The following SIN3A variants were observed in gnomAD, a reference collection of about 807,000 sequenced individuals.
SIN3A encodes the protein SIN3 transcription regulator family member A.
SIN3A carries 14 observed loss-of-function variants against 146.1 expected under a neutral mutation model. The observed-to-expected ratio is 0.10, with a 90% CI of 0.06 to 0.15. The LOEUF (loss-of-function observed/expected upper bound fraction) is 0.15, where lower values mean the gene tolerates loss of function less well. Ranked by LOEUF, SIN3A falls within the 10% of genes least tolerant of loss-of-function variation. The pLI, the probability that SIN3A is intolerant of heterozygous loss-of-function variation, is 1.00. For synonymous variants in SIN3A, 572 were observed against 572.0 expected, an observed-to-expected ratio of 1.00 and a Z score of 0.00; for missense variants, 1,028 against 1,576.0, an observed-to-expected ratio of 0.65 and a Z score of 5.89.
At chr15:75,434,600 A>C (rs1264654522) in intron 1 of SIN3A, among the ~76,000 whole-genome samples, 5 of 151,902 alleles carry the variant, frequency 3.3e-5, no homozygotes, top group Middle Eastern at 3.4e-3. Flanking sequence ...CAGTGAGCCG[A>C]AATCGCGCCA....
chr15:75,454,772 G>A (rs897983958), upstream of SIN3A: 5 of 152,390 alleles, frequency 3.3e-5, no homozygotes, highest in Admixed American at 2.6e-4. Context: ...GTCGGGGGAG[G>A]GGAAGAGAGC....
rs1227852200 is a variant in SIN3A at position 75,380,722 on chromosome 15, C to G, written c.3290G>C (p.Arg1097Pro). Residue 1097 changes from arginine (R) to proline (P), a missense_variant and splice_region_variant, in exon 19 of 21, where the codon CGC becomes CCC. Around this residue, in one of 9 missense-constraint regions of SIN3A, gnomAD observed 488 missense variants for 690.2 expected, o/e 0.71. Transcript: ENST00000394947. ...ENSDDPVEAE[R>P]WSDYVERYMN... ...GTATCGCTCCACGTAGTCTGACCAG[C>G]GCTAAGATGGCAAACACAAAATACA... 1 of 1,612,700 alleles carries G rather than the reference C, an allele frequency of 6.2e-7. No homozygotes were observed. The highest frequency in any genetic ancestry group is 8.5e-7 in the Non-Finnish European group (1 of 1,178,938).
Position 75,430,345 on chromosome 15 carries a change from G to C in SIN3A, c.31C>G (p.Pro11Ala). The change falls in exon 2 of 21, where the codon CCG becomes GCG. Residue 11 changes from proline to alanine, a missense_variant. Around this residue, in one of 9 missense-constraint regions of SIN3A, gnomAD observed 152 missense variants for 231.5 expected, o/e 0.66. Coordinates refer to ENST00000394947, the MANE Select transcript of SIN3A (RefSeq NM_001145358.2). MKRRLDDQES[P>A]VYAAQQRRIP... ...CGACGCTGCTGGGCTGCATACACCG[G>C]TGACTCCTGGTCATCCAAACGCCGC... 6.2e-7 allele frequency: 1 copy of C among 1,613,618 alleles called. No individual in the cohort carries two copies. Among genetic ancestry groups the C allele is most frequent in the Non-Finnish European group, 8.5e-7 (1 of 1,179,826 alleles).
chr15:75,386,387 A>G (rs1407706947), intron 16 of SIN3A, among the ~76,000 whole-genome samples: 4 of 152,156 alleles, frequency 2.6e-5, no homozygotes, highest in African/African-American at 9.7e-5. Flanking sequence ...CTCTTTTTGG[A>G]TATCTGGCCC....
chr15:75,423,146 C>T (rs1266175688), intron 2 of SIN3A, among the ~76,000 whole-genome samples: 1 of 152,056 alleles, frequency 6.6e-6, no homozygotes, highest in African/African-American at 2.4e-5. Flanking sequence ...GGCATGGCAA[C>T]ATGCACCTGT....
intron 1 of SIN3A, among the ~76,000 whole-genome samples, chr15:75,432,251 T>C (rs560884254): frequency 1.3e-5 from 2 of 152,278 alleles, no homozygotes; most frequent in South Asian, 4.1e-4. Flanking sequence ...AGGAACTGAG[T>C]CTAATCACAG....
chr15:75,381,011 GT>G (rs1466449886), intron 18 of SIN3A: 3 of 192,276 alleles, frequency 1.6e-5, no homozygotes, highest in Non-Finnish European at 3.2e-5. Flanking sequence ...AGAGCATTTT[GT>G]TAAAGAACAA....
chr15:75,411,700 G>GGAGTCT lies in SIN3A; in HGVS notation c.794_799dup (p.Gln265_Thr266dup), dbSNP rs2073643140. On this transcript the variant is annotated inframe_insertion, in exon 6 of 21. Coordinates refer to ENST00000394947, the MANE Select transcript of SIN3A (RefSeq NM_001145358.2). ...TGGGGATGCATACGGTGGAAGTGGG[G>GGAGTCT]GAGTCTGCTGACTGGCCGGAGTATG... 1 of 1,612,610 alleles carries GGAGTCT rather than the reference G, an allele frequency of 6.2e-7. No homozygotes were observed. The highest frequency in any genetic ancestry group is 8.5e-7 in the Non-Finnish European group (1 of 1,178,908).
intron 16 of SIN3A, among the ~76,000 whole-genome samples, chr15:75,385,465 T>A (rs1339454551): frequency 1.3e-5 from 2 of 152,234 alleles, no homozygotes; most frequent in Non-Finnish European, 2.9e-5. Flanking sequence ...TTTGTGACAA[T>A]CTTAGGAAAC....
At chr15:75,380,554 C>T (rs990749823) in intron 19 of SIN3A, 75 bp downstream of exon 19, 17 of 1,113,682 alleles carry the variant, frequency 1.5e-5, no homozygotes, top group Non-Finnish European at 2.1e-5. Flanking sequence ...AGGCCAAGAA[C>T]GTGAAAGTCA....
At chr15:75,375,896 A>G (rs1388889442) in intron 19 of SIN3A, 24 bp from the exon 20 acceptor site, 1 of 1,612,094 alleles carries the variant, frequency 6.2e-7, no homozygotes, top group Non-Finnish European at 8.5e-7. Context: ...GCCCCGGAGG[A>G]TGAGAGCTCG....
At chr15:75,433,363 A>G in intron 1 of SIN3A, among the ~76,000 whole-genome samples, 1 of 152,166 alleles carries the variant, frequency 6.6e-6, no homozygotes, top group East Asian at 1.9e-4. Flanking sequence ...CTTTTCATAC[A>G]TTAAGTATTA....
chr15:75,411,938 T>A (rs1185622438), intron 5 of SIN3A, among the ~76,000 whole-genome samples, 195 bp from the exon 6 acceptor site: 1 of 152,206 alleles, frequency 6.6e-6, no homozygotes, highest in African/African-American at 2.4e-5. Context: ...GATACAAATA[T>A]TTCAGTCTCA....
At chr15:75,409,625 G>A (rs4886700) in intron 8 of SIN3A, among the ~76,000 whole-genome samples, 52,753 of 151,620 alleles carry the variant, frequency 0.35, 10,479 homozygotes, top group African/African-American at 0.53. Context: ...TACTCGGGAG[G>A]GCGAGACAGG....
intron 16 of SIN3A, among the ~76,000 whole-genome samples, chr15:75,386,548 A>G (rs2073084857): frequency 2.6e-5 from 4 of 152,188 alleles, no homozygotes; most frequent in Admixed American, 2.6e-4. Flanking sequence ...GAGCATCTGT[A>G]TGGAAAGGTC....
intron 1 of SIN3A, among the ~76,000 whole-genome samples, chr15:75,433,712 A>C (rs2141584281): frequency 6.6e-6 from 1 of 152,216 alleles, no homozygotes; most frequent in East Asian, 1.9e-4. Context: ...CGGGAGGCTG[A>C]GGCAGGAGAA....
At chr15:75,448,358 C>T (rs182654252) in intron 1 of SIN3A, among the ~76,000 whole-genome samples, 308 of 151,814 alleles carry the variant, frequency 2.0e-3, no homozygotes, top group Non-Finnish European at 3.1e-3. Context: ...CTTAGCCAGG[C>T]GTGTGGTGGC....
Position 75,371,744 on chromosome 15 carries a change from A to C in SIN3A, c.*235T>G. On this transcript the variant is annotated 3_prime_UTR_variant, in exon 21 of 21. Coordinates refer to ENST00000394947, the MANE Select transcript of SIN3A (RefSeq NM_001145358.2). ...ACTTCCTTCCCCTCCAGGGCAGGCT[A>C]TACCCAAAACCCTTTGGGAAAAGTT... 1.9e-6 allele frequency: 1 copy of C among 526,956 alleles called. No homozygotes were observed. Among genetic ancestry groups the C allele is most frequent in the African/African-American group, 1.9e-5 (1 of 52,114 alleles). 32.6% of individuals were successfully genotyped at this position (526,956 alleles called of 1,614,324 possible). A position where few individuals can be genotyped will look rare whatever the true frequency, so the allele number is the denominator to read the frequency against.
intron 5 of SIN3A, among the ~76,000 whole-genome samples, chr15:75,412,146 T>G (rs1296469434): frequency 1.3e-5 from 2 of 152,224 alleles, no homozygotes; most frequent in Admixed American, 6.5e-5. Flanking sequence ...CTCTGTCCTG[T>G]AGAACTGAGA....
Sources: gnomAD v4.1 joint callset for allele counts (sites outside exome capture counted in the v4.1 genomes callset) on GRCh38, gnomAD v4.1.1 for gene constraint, gnomAD v4.1.1 regional missense constraint, MANE v1.5 for transcripts, NCBI Gene and HGNC (gene_info 2026-07-23, HGNC 2026-07-21) for gene names.